Variants in HSD17B12 observed in about 807,000 individuals in gnomAD.
The protein encoded by HSD17B12 is very-long-chain 3-oxoacyl-CoA reductase.
Under a neutral mutation model 39.3 loss-of-function variants are expected in HSD17B12, and 32 were observed. The observed-to-expected ratio is 0.81, with a 90% confidence interval of 0.61 to 1.09. HSD17B12 has a LOEUF of 1.09. HSD17B12 is among the 50% of genes least tolerant of loss of function. The pLI is 0.00. For missense variants in HSD17B12, 342 were observed against 382.9 expected (o/e 0.89, Z 0.89); for synonymous variants, 150 against 146.7 (o/e 1.02, Z -0.16).
intron 1 of HSD17B12, among the ~76,000 whole-genome samples, chr11:43,738,880 AC>A (rs1950339625): frequency 6.6e-6 from 1 of 152,186 alleles, no homozygotes; most frequent in African/African-American, 2.4e-5. Flanking sequence ...TCCAGCATGA[AC>A]CGAAAGCACT....
chr11:43,848,583 C>T lies in HSD17B12; in HGVS notation c.685-6132C>T, dbSNP rs536114440. The T allele has an allele frequency of 2.0e-5, 3 of 152,192 alleles. No homozygotes were observed. The South Asian group carries it at 6.2e-4, about 31-fold the overall frequency. The allele number at this position is 152,192 out of a possible 1,614,324, so 9.4% of individuals were successfully genotyped here. A position where few individuals can be genotyped will look rare whatever the true frequency, so the allele number is the denominator to read the frequency against. ...ATACATACTAAAGTTTCAAATCCCACACTCTTTAACTGATAATATTTTATT... is the reference window on the plus strand; with the variant it reads ...ATACATACTAAAGTTTCAAATCCCATACTCTTTAACTGATAATATTTTATT... On this transcript the variant is annotated intron_variant, in intron 9 of 10. Coordinates refer to ENST00000278353, the MANE Select transcript of HSD17B12 (RefSeq NM_016142.3).
intron 7 of HSD17B12, among the ~76,000 whole-genome samples, chr11:43,834,342 G>A (rs1186422714): frequency 1.3e-5 from 2 of 149,426 alleles, no homozygotes; most frequent in Non-Finnish European, 3.0e-5. Context: ...TTGATATGAA[G>A]TGGAAATGTG....
At chr11:43,734,495 T>A (rs1950298688) in intron 1 of HSD17B12, 1 of 622,878 alleles carries the variant, frequency 1.6e-6, no homozygotes, top group Admixed American at 2.4e-5. Flanking sequence ...GGACATTGCA[T>A]ACCAGCTCTC....
At chr11:43,607,251 G>A in the HSD17B12 span, among the ~76,000 whole-genome samples, 47 of 150,926 alleles carry the variant, frequency 3.1e-4, no homozygotes, top group African/African-American at 1.1e-3. Context: ...GAGGGAAGAT[G>A]GTGGATGTGC....
chr11:43,805,956 A>AGG (rs1273133274), intron 4 of HSD17B12, among the ~76,000 whole-genome samples: 2 of 152,186 alleles, frequency 1.3e-5, no homozygotes. Context: ...TATACTCATG[A>AGG]TCTTGTAGTT....
At chr11:43,614,278 T>C in the HSD17B12 span, among the ~76,000 whole-genome samples, 12 of 152,344 alleles carry the variant, frequency 7.9e-5, no homozygotes, top group East Asian at 2.1e-3. Context: ...GATATAGAAT[T>C]TTCAATGACA....
intron 1 of HSD17B12, among the ~76,000 whole-genome samples, chr11:43,690,404 A>ATATTTTTTTTTTTTTTT (rs1554959942): frequency 4.0e-5 from 1 of 24,960 alleles, no homozygotes; most frequent in Non-Finnish European, 6.9e-5. Flanking sequence ...ATATATATAT[A>ATATTTTTTTTTTTTTTT]TTTTTTTTTT....
At chr11:43,793,105 G>C (rs369010791) in intron 3 of HSD17B12, among the ~76,000 whole-genome samples, 1 of 152,126 alleles carries the variant, frequency 6.6e-6, no homozygotes, top group Non-Finnish European at 1.5e-5. Context: ...TAAGTGCCTC[G>C]TAGGGTTATA....
At chr11:43,656,877 G>C in the HSD17B12 span, among the ~76,000 whole-genome samples, 20 of 152,324 alleles carry the variant, frequency 1.3e-4, no homozygotes, top group South Asian at 3.7e-3. Context: ...TGTATATTCT[G>C]TTGATTTGGG....
rs184130863 is a variant in HSD17B12, at chr11:43,760,926, G to T, written c.283+6805G>T. 2.5e-4 allele frequency among the ~76,000 whole-genome samples: 38 copies of T among 152,240 alleles called. 1 individual carries two copies. The highest frequency in any genetic ancestry group is 1.7e-3 in the Admixed American group (26 of 15,274). ...GCTCGTAGAGTTTATATGTTACAGG[G>T]CCAGGAATAAAACCCATCCATTTTG... On this transcript the variant is annotated intron_variant, in intron 3 of 10. Transcript: ENST00000278353.
At chr11:43,816,568 C>T (rs1951125001) in intron 6 of HSD17B12, among the ~76,000 whole-genome samples, 177 bp downstream of exon 6, 1 of 152,018 alleles carries the variant, frequency 6.6e-6, no homozygotes, top group African/African-American at 2.4e-5. Context: ...GAAGACCAAG[C>T]AGGTGCCTGT....
At chr11:43,600,503 G>A in the HSD17B12 span, among the ~76,000 whole-genome samples, 7 of 152,106 alleles carry the variant, frequency 4.6e-5, no homozygotes, top group Admixed American at 6.5e-5. Context: ...GGCTGTCAGC[G>A]TGATTATTTT....
the HSD17B12 span, among the ~76,000 whole-genome samples, chr11:43,607,460 T>C: frequency 1.1e-4 from 17 of 152,326 alleles, no homozygotes; most frequent in African/African-American, 4.1e-4. Flanking sequence ...TCAGAACCCA[T>C]GTGCTTTTAT....
At chr11:43,689,040 T>C (rs991282976) in intron 1 of HSD17B12, among the ~76,000 whole-genome samples, 1 of 152,170 alleles carries the variant, frequency 6.6e-6, no homozygotes. Flanking sequence ...AATCTAAAAT[T>C]ATGAACAGAC....
the HSD17B12 span, among the ~76,000 whole-genome samples, chr11:43,573,070 C>A: frequency 6.6e-6 from 1 of 152,238 alleles, no homozygotes; most frequent in Admixed American, 6.5e-5. Context: ...AAGCAGCCTA[C>A]TCCCACAAGC....
intron 3 of HSD17B12, among the ~76,000 whole-genome samples, chr11:43,761,534 A>G (rs557674549): frequency 1.0e-3 from 158 of 152,360 alleles, no homozygotes; most frequent in African/African-American, 3.7e-3. Flanking sequence ...TTTTCTGGTC[A>G]GGAATTTTGT....
At chr11:43,684,925 C>T (rs1215808178) in intron 1 of HSD17B12, among the ~76,000 whole-genome samples, 1 of 152,146 alleles carries the variant, frequency 6.6e-6, no homozygotes, top group Non-Finnish European at 1.5e-5. Flanking sequence ...TTTGCCTGTT[C>T]TGGATATTTC....
chr11:43,606,315 G>A, the HSD17B12 span, among the ~76,000 whole-genome samples: 2 of 152,194 alleles, frequency 1.3e-5, no homozygotes, highest in Admixed American at 1.3e-4. Context: ...CTTAACCTGG[G>A]AACATCACTC....
At chr11:43,594,346 T>A in the HSD17B12 span, among the ~76,000 whole-genome samples, 1 of 152,010 alleles carries the variant, frequency 6.6e-6, no homozygotes, top group Non-Finnish European at 1.5e-5. Context: ...GAGGGAAAGA[T>A]TCTTTTAGGG....
Sources: gnomAD v4.1 joint callset for allele counts (sites outside exome capture counted in the v4.1 genomes callset) on GRCh38, gnomAD v4.1.1 for gene constraint, MANE v1.5 for transcripts, NCBI Gene and HGNC (gene_info 2026-07-23, HGNC 2026-07-21) for gene names.